Variants in STK32B observed in about 807,000 individuals in gnomAD.
The protein encoded by STK32B is serine/threonine kinase 32B.
STK32B carries 43 observed loss-of-function variants against 52.6 expected under a neutral mutation model. That is an observed-to-expected ratio of 0.82 (90% CI 0.64 to 1.05). The LOEUF (loss-of-function observed/expected upper bound fraction) is 1.05, where lower values mean the gene tolerates loss of function less well. Ranked by LOEUF, STK32B falls within the 50% of genes least tolerant of loss-of-function variation. The probability of loss-of-function intolerance (pLI) is 0.00; values close to 1 mark genes in which losing one functional copy is unlikely to be tolerated. For synonymous variants in STK32B, 238 were observed against 204.3 expected (o/e 1.17, Z -1.41); for missense variants, 621 against 534.6 (o/e 1.16, Z -1.59).
intron 3 of STK32B, among the ~76,000 whole-genome samples, chr4:5,329,118 G>A (rs143186588): frequency 3.5e-4 from 53 of 152,328 alleles, no homozygotes; most frequent in African/African-American, 1.3e-3. Flanking sequence ...TACTCTGGGT[G>A]CCTCTGCCTA....
chr4:5,349,353 A>G (rs1733679472), intron 4 of STK32B, among the ~76,000 whole-genome samples: 2 of 152,194 alleles, frequency 1.3e-5, no homozygotes, highest in South Asian at 4.1e-4. Context: ...TAAGCCACCA[A>G]GGAAACAACA....
chr4:5,168,322 C>A lies in STK32B; in HGVS notation c.132C>A (p.Asp44Glu). 1.2e-6 allele frequency: 2 copies of A among 1,613,870 alleles called. No homozygotes were observed. Among genetic ancestry groups the A allele is most frequent in the Admixed American group, 3.3e-5 (2 of 59,988 alleles). ...AGGTATGCATCGTGCAGAAGCGAGA[C>A]ACTAAGAAAATGTATGCAATGAAGT... ...FGKVCIVQKR[D>E]TKKMYAMKYM... The change falls in exon 3 of 12, where the codon GAC becomes GAA. Residue 44 changes from aspartate (D) to glutamate (E), a missense_variant. Physicochemically the swap from Asp to Glu is conservative, Grantham distance 45 (BLOSUM62 2). Coordinates refer to ENST00000282908, the MANE Select transcript of STK32B (RefSeq NM_018401.3).
At chr4:5,190,069 C>T (rs955970621) in intron 3 of STK32B, among the ~76,000 whole-genome samples, 12 of 151,986 alleles carry the variant, frequency 7.9e-5, no homozygotes, top group East Asian at 7.7e-4. Context: ...TCACTCACAC[C>T]GACCCACACT....
At chr4:5,109,256 A>AT (rs1464091364) in intron 1 of STK32B, among the ~76,000 whole-genome samples, 34 of 152,328 alleles carry the variant, frequency 2.2e-4, no homozygotes, top group African/African-American at 8.2e-4. Flanking sequence ...ACTTAAGAGA[A>AT]GGGGAAGGCA....
At position 5,499,706 on chromosome 4, in the gene STK32B, G is replaced by C. The variant is rs964522685; in HGVS notation, c.*623G>C. ...CCAGACTTGTCCCCAAGGTCTCAGC[G>C]CTGCGGTCTCACTCCTCCCCTCATT... On this transcript the variant is annotated 3_prime_UTR_variant, in exon 12 of 12. Transcript: ENST00000282908. 1 of 152,262 alleles carries C rather than the reference G, an allele frequency of 6.6e-6. No individual in the cohort carries two copies. Among genetic ancestry groups the C allele is most frequent in the Non-Finnish European group, 1.5e-5 (1 of 68,102 alleles). 9.4% of individuals were successfully genotyped at this position (152,262 alleles called of 1,614,324 possible). A position where few individuals can be genotyped will look rare whatever the true frequency, so the allele number is the denominator to read the frequency against.
chr4:5,282,270 T>C (rs1369142008), intron 3 of STK32B, among the ~76,000 whole-genome samples: 1 of 152,146 alleles, frequency 6.6e-6, no homozygotes, highest in Non-Finnish European at 1.5e-5. Context: ...CTGCAGAGGA[T>C]TGATTCCAGG....
chr4:5,105,046 G>A (rs1366687021), intron 1 of STK32B, among the ~76,000 whole-genome samples: 1 of 152,178 alleles, frequency 6.6e-6, no homozygotes, highest in African/African-American at 2.4e-5. Context: ...ATTTTCACTT[G>A]CGACGTAAGA....
chr4:5,353,781 C>T (rs1486011983), intron 4 of STK32B, among the ~76,000 whole-genome samples: 1 of 152,126 alleles, frequency 6.6e-6, no homozygotes, highest in African/African-American at 2.4e-5. Context: ...ACCTCTGATA[C>T]ACTGTTGGTG....
chr4:5,455,062 C>A (rs1716374416), intron 7 of STK32B, among the ~76,000 whole-genome samples: 1 of 152,078 alleles, frequency 6.6e-6, no homozygotes, highest in African/African-American at 2.4e-5. Context: ...GAGAAGGTGC[C>A]ACTCAGGAAA....
intron 1 of STK32B, among the ~76,000 whole-genome samples, chr4:5,098,799 G>A (rs1444881215): frequency 6.6e-6 from 1 of 152,206 alleles, no homozygotes; most frequent in Non-Finnish European, 1.5e-5. Context: ...AACAGCATGG[G>A]GTGATGTATA....
chr4:5,395,436 C>A lies in STK32B; in HGVS notation c.435-2771C>A, dbSNP rs950826666. Among the ~76,000 whole-genome samples, 1 of 152,192 alleles carries A rather than the reference C, an allele frequency of 6.6e-6. No homozygotes were observed. Among genetic ancestry groups the A allele is most frequent in the African/African-American group, 2.4e-5 (1 of 41,444 alleles). On this transcript the variant is annotated intron_variant, in intron 4 of 11. Coordinates refer to ENST00000282908, the MANE Select transcript of STK32B (RefSeq NM_018401.3). The surrounding 1 kb of genome is among the most constrained non-coding windows in gnomAD (Gnocchi z 4.4). The stretch of plus-strand genomic sequence containing the variant: ...CCTTTTCTTGCTATTCAGATGTCAA[C>A]CCAATGTCACCACTTCTTAAAGGTC...
At chr4:5,409,267 A>C (rs1323504984) in intron 5 of STK32B, among the ~76,000 whole-genome samples, 1 of 152,106 alleles carries the variant, frequency 6.6e-6, no homozygotes, top group East Asian at 1.9e-4. Flanking sequence ...GAGGTAGCAA[A>C]GAAAGGAGTG....
At chr4:5,092,823 C>T (rs760931809) in intron 1 of STK32B, among the ~76,000 whole-genome samples, 1 of 152,118 alleles carries the variant, frequency 6.6e-6, no homozygotes, top group East Asian at 1.9e-4. Context: ...CACCCGGTCA[C>T]ACCTCCAACA....
chr4:5,424,936 C>A (rs1332680956), intron 6 of STK32B, among the ~76,000 whole-genome samples: 1 of 152,242 alleles, frequency 6.6e-6, no homozygotes, highest in Non-Finnish European at 1.5e-5. Flanking sequence ...CCTGGCATCT[C>A]CAAGCTTCTG....
Position 5,394,716 on chromosome 4 carries a change from C to G in STK32B, c.435-3491C>G, listed in dbSNP as rs1431409649. On this transcript the variant is annotated intron_variant, in intron 4 of 11. Coordinates refer to ENST00000282908, the MANE Select transcript of STK32B (RefSeq NM_018401.3). The surrounding 1 kb of genome is among the most constrained non-coding windows in gnomAD (Gnocchi z 4.2). ...CACTGGGACTGTGTGAAGTGCTGAA[C>G]AAATGTCATCTCATTGTACACTCAG... Among the ~76,000 whole-genome samples the G allele has an allele frequency of 6.6e-6, 1 of 152,316 alleles. No individual in the cohort carries two copies. The highest frequency in any genetic ancestry group is 1.9e-4 in the East Asian group (1 of 5,178).
chr4:5,216,739 T>C (rs535366394), intron 3 of STK32B, among the ~76,000 whole-genome samples: 1 of 152,212 alleles, frequency 6.6e-6, no homozygotes, highest in South Asian at 2.1e-4. Context: ...CTGAGCTAGC[T>C]TAAGAGGGTT....
intron 3 of STK32B, among the ~76,000 whole-genome samples, chr4:5,191,224 A>C (rs1033150609): frequency 2.7e-5 from 4 of 150,610 alleles, no homozygotes; most frequent in Non-Finnish European, 5.9e-5. Flanking sequence ...GAGTTTGTGG[A>C]CCAGGCCTCT....
At chr4:5,084,443 G>T (rs1212689682) in intron 1 of STK32B, among the ~76,000 whole-genome samples, 2 of 152,000 alleles carry the variant, frequency 1.3e-5, no homozygotes, top group Non-Finnish European at 2.9e-5. Flanking sequence ...TCCCTAAAAT[G>T]GAATATTTTG....
chr4:5,455,445 C>T (rs62299781), intron 7 of STK32B, among the ~76,000 whole-genome samples: 10,693 of 152,296 alleles, frequency 0.07, 495 homozygotes, highest in Middle Eastern at 0.14. Context: ...TCAGCTCCTC[C>T]CCTGGCGGGG....
Sources: gnomAD v4.1 joint callset for allele counts (sites outside exome capture counted in the v4.1 genomes callset) on GRCh38, gnomAD v4.1.1 for gene constraint, Gnocchi (gnomAD v3.1) non-coding constraint, MANE v1.5 for transcripts, NCBI Gene and HGNC (gene_info 2026-07-23, HGNC 2026-07-21) for gene names.